The following ZNF362 variants were observed in gnomAD, a reference collection of about 807,000 sequenced individuals.
ZNF362 encodes the protein rotund homolog.
In ZNF362, 11 loss-of-function variants were observed where a neutral mutation model predicts 42.9. That is an observed-to-expected ratio of 0.26 (90% CI 0.16 to 0.42). The LOEUF (loss-of-function observed/expected upper bound fraction) is 0.42. Ranked by LOEUF, ZNF362 falls within the 20% of genes least tolerant of loss-of-function variation. The pLI, the probability that ZNF362 is intolerant of heterozygous loss-of-function variation, is 1.00. For synonymous variants in ZNF362, 255 were observed against 257.3 expected, an observed-to-expected ratio of 0.99 and a Z score of 0.09; for missense variants, 362 against 576.2, an observed-to-expected ratio of 0.63 and a Z score of 3.81.
chr1:33,258,774 T>G (rs1301718604), intron 1 of ZNF362, among the ~76,000 whole-genome samples: 17 of 152,284 alleles, frequency 1.1e-4, no homozygotes, highest in African/African-American at 3.9e-4. Flanking sequence ...ACTTCACAGT[T>G]TTCACAGTAT....
intron 6 of ZNF362, among the ~76,000 whole-genome samples, chr1:33,293,728 G>A (rs940099738): frequency 6.6e-5 from 10 of 152,154 alleles, no homozygotes; most frequent in South Asian, 2.1e-4. Context: ...TTGAAGACAC[G>A]CCCAGGGAGA....
At position 33,281,378 on chromosome 1, in the gene ZNF362, T is replaced by C. The variant is rs1036319487; in HGVS notation, c.684-209T>C. Among the ~76,000 whole-genome samples the C allele has an allele frequency of 1.3e-4, 20 of 152,122 alleles. No individual in the cohort carries two copies. Among genetic ancestry groups the C allele is most frequent in the Admixed American group, 2.0e-4 (3 of 15,276 alleles). On this transcript the variant is annotated intron_variant, in intron 5 of 8. Coordinates refer to ENST00000539719, the MANE Select transcript of ZNF362 (RefSeq NM_152493.3). This position sits in a 1 kb window ranked among gnomAD's most constrained non-coding sequence, Gnocchi z 4.8. ...GTAACCTATGCTCCAGGCTCTGTAATGTTCCCCCAGGCAAGAGCTTCCTCC... is the reference window on the plus strand; with the variant it reads ...GTAACCTATGCTCCAGGCTCTGTAACGTTCCCCCAGGCAAGAGCTTCCTCC...
At chr1:33,177,124 C>T in the ZNF362 span, among the ~76,000 whole-genome samples, 1 of 151,762 alleles carries the variant, frequency 6.6e-6, no homozygotes, top group Non-Finnish European at 1.5e-5. The surrounding 1 kb of genome is among the most constrained non-coding windows in gnomAD (Gnocchi z 4.1). Context: ...TGCATGTACG[C>T]ATGCACACAC....
At chr1:33,160,701 G>A in the ZNF362 span, among the ~76,000 whole-genome samples, 11 of 152,240 alleles carry the variant, frequency 7.2e-5, no homozygotes, top group South Asian at 2.1e-4. Context: ...CATCGTGCCC[G>A]GCTGAAGTCT....
At chr1:33,209,698 A>G in the ZNF362 span, among the ~76,000 whole-genome samples, 1 of 152,186 alleles carries the variant, frequency 6.6e-6, no homozygotes, top group Non-Finnish European at 1.5e-5. Context: ...TAGGTTTTCT[A>G]GTTTATTTGC....
the ZNF362 span, among the ~76,000 whole-genome samples, chr1:33,243,387 T>C: frequency 6.6e-6 from 1 of 151,888 alleles, no homozygotes; most frequent in Admixed American, 6.6e-5. Context: ...GGTTTCACCA[T>C]GTTGGCCAGG....
chr1:33,176,497 A>T, the ZNF362 span: 1 of 679,720 alleles, frequency 1.5e-6, no homozygotes, highest in African/African-American at 1.8e-5. Flanking sequence ...TGAGGCCTGG[A>T]GGGGGCGGCT....
the ZNF362 span, among the ~76,000 whole-genome samples, chr1:33,193,944 T>C: frequency 6.6e-6 from 1 of 152,198 alleles, no homozygotes; most frequent in Non-Finnish European, 1.5e-5. Flanking sequence ...AAGGGAGATC[T>C]TAGTGGTGCA....
the ZNF362 span, among the ~76,000 whole-genome samples, chr1:33,202,079 A>G: frequency 5.3e-5 from 8 of 152,374 alleles, no homozygotes. Flanking sequence ...AGAAATAAAT[A>G]ACCTGAATAG....
intron 6 of ZNF362, among the ~76,000 whole-genome samples, chr1:33,291,077 C>T (rs556678393): frequency 3.7e-4 from 56 of 152,270 alleles, no homozygotes; most frequent in South Asian, 1.5e-3. Context: ...AATTGGGTCC[C>T]GTTTGTCAAT....
chr1:33,136,824 C>T, the ZNF362 span, among the ~76,000 whole-genome samples: 1 of 151,678 alleles, frequency 6.6e-6, no homozygotes, highest in African/African-American at 2.4e-5. Flanking sequence ...TGGTGAAACC[C>T]TGTCTCTACT....
In ZNF362 at chr1:33,280,093, C is replaced by T. The variant is rs755962784; in HGVS notation, c.350-31C>T. ...CTGAGCTGGCCTCTGCAGCTCCGCTCACCCCTGCCCCCACCCACCTGTCTT... is the reference window on the plus strand; with the variant it reads ...CTGAGCTGGCCTCTGCAGCTCCGCTTACCCCTGCCCCCACCCACCTGTCTT... On this transcript the variant is annotated intron_variant, in intron 4 of 8. Coordinates refer to ENST00000539719, the MANE Select transcript of ZNF362 (RefSeq NM_152493.3). The surrounding 1 kb of genome is among the most constrained non-coding windows in gnomAD (Gnocchi z 5.6). 2 of 1,528,462 alleles carry T rather than the reference C, an allele frequency of 1.3e-6. No individual in the cohort carries two copies. The highest frequency in any genetic ancestry group is 2.8e-5 in the African/African-American group (2 of 72,578). 94.7% of individuals were successfully genotyped at this position (1,528,462 alleles called of 1,614,324 possible).
the ZNF362 span, among the ~76,000 whole-genome samples, chr1:33,136,160 T>C: frequency 6.9e-6 from 1 of 144,750 alleles, no homozygotes; most frequent in South Asian, 2.2e-4. Flanking sequence ...CCTTCCTTCC[T>C]TCCTTCCTTC....
chr1:33,208,720 G>T, the ZNF362 span, among the ~76,000 whole-genome samples: 4 of 152,040 alleles, frequency 2.6e-5, no homozygotes, highest in Non-Finnish European at 4.4e-5. Flanking sequence ...CTCATGATTT[G>T]GCTCTCTGTT....
At chr1:33,241,524 A>C in the ZNF362 span, among the ~76,000 whole-genome samples, 14 of 152,050 alleles carry the variant, frequency 9.2e-5, no homozygotes, top group Non-Finnish European at 1.6e-4. Flanking sequence ...GTACGAATAA[A>C]ATTTTTTACA....
In ZNF362 at chr1:33,262,049, G is replaced by T. The variant is rs148322351; in HGVS notation, c.-89+5395G>T. Among the ~76,000 whole-genome samples the T allele has an allele frequency of 8.5e-5, 13 of 152,286 alleles. No homozygotes were observed. The East Asian group carries it at 2.5e-3, about 29-fold the overall frequency. ...GCATTGGGAGTTGGTTGGGGCTATG[G>T]TGATGGGGATGGCTTTCTAGAACCT... is the stretch of plus-strand genomic sequence containing the variant. On this transcript the variant is annotated intron_variant, in intron 1 of 8. Transcript: ENST00000539719.
At chr1:33,143,087 TCTTCA>T in the ZNF362 span, 19 of 152,248 alleles carry the variant, frequency 1.2e-4, no homozygotes, top group African/African-American at 4.6e-4. Flanking sequence ...TTGTCCCCTC[TCTTCA>T]CTTAATGTGT....
the ZNF362 span, among the ~76,000 whole-genome samples, chr1:33,189,416 T>A: frequency 6.6e-6 from 1 of 151,854 alleles, no homozygotes; most frequent in Non-Finnish European, 1.5e-5. Context: ...GGATTACTGT[T>A]GCACATACTC....
intron 8 of ZNF362, 124 bp downstream of exon 8, chr1:33,295,429 G>A (rs1169547330): frequency 2.4e-6 from 3 of 1,232,166 alleles, no homozygotes; most frequent in Admixed American, 2.5e-5. Flanking sequence ...GAGGCCTAGA[G>A]AAGGGAAGTG....
Sources: gnomAD v4.1 joint callset for allele counts (sites outside exome capture counted in the v4.1 genomes callset) on GRCh38, gnomAD v4.1.1 for gene constraint, Gnocchi (gnomAD v3.1) non-coding constraint, MANE v1.5 for transcripts, NCBI Gene and HGNC (gene_info 2026-07-23, HGNC 2026-07-21) for gene names.